SYT17: variants seen among roughly 807,000 people sequenced by gnomAD.
SYT17 encodes synaptotagmin 17.
SYT17 carries 22 observed loss-of-function variants against 46.7 expected under a neutral mutation model. The ratio of observed to expected loss-of-function variants is 0.47; its 90% confidence interval spans 0.34 to 0.67. The LOEUF (loss-of-function observed/expected upper bound fraction) is 0.67, where lower values mean the gene tolerates loss of function less well. Ranked by LOEUF, SYT17 falls within the 30% of genes least tolerant of loss-of-function variation. The pLI is 0.01. For synonymous variants in SYT17, 251 were observed against 248.4 expected (o/e 1.01, Z -0.10); for missense variants, 519 against 612.8 (o/e 0.85, Z 1.62).
intron 7 of SYT17, among the ~76,000 whole-genome samples, chr16:19,239,192 G>A (rs901958381): frequency 6.6e-6 from 1 of 152,096 alleles, no homozygotes; most frequent in Non-Finnish European, 1.5e-5. Context: ...GGCCAAAGTG[G>A]GAGGATCACA....
chr16:19,258,293 T>C, intron 7 of SYT17, among the ~76,000 whole-genome samples: 1 of 152,046 alleles, frequency 6.6e-6, no homozygotes, highest in Non-Finnish European at 1.5e-5. Flanking sequence ...GGGTGGCAAT[T>C]GTGTCCCCAG....
chr16:19,184,295 A>G, intron 5 of SYT17, 148 bp downstream of exon 5: 3 of 1,037,254 alleles, frequency 2.9e-6, no homozygotes. Context: ...TTGCAAAAAT[A>G]GCAGAGAGTT....
At chr16:19,180,313 G>T in intron 3 of SYT17, 78 bp from the exon 4 acceptor site, 1 of 1,545,250 alleles carries the variant, frequency 6.5e-7, no homozygotes, top group Non-Finnish European at 8.9e-7. Flanking sequence ...TTCATCGTGG[G>T]TCTTAACCCC....
chr16:19,243,907 C>G (rs1967334650), intron 7 of SYT17, among the ~76,000 whole-genome samples: 1 of 149,516 alleles, frequency 6.7e-6, no homozygotes, highest in Non-Finnish European at 1.5e-5. Flanking sequence ...AGAAGCACCT[C>G]TAAGACTCAA....
chr16:19,229,912 T>C (rs1220703034), intron 7 of SYT17, among the ~76,000 whole-genome samples: 1 of 152,102 alleles, frequency 6.6e-6, no homozygotes, highest in African/African-American at 2.4e-5. Context: ...TGCTACAACA[T>C]GGATGAAGCT....
Position 19,178,297 on chromosome 16 carries a change from G to A in SYT17, c.183-2094G>A, listed in dbSNP as rs137985938. Among the ~76,000 whole-genome samples the A allele has an allele frequency of 3.8e-3, 582 of 151,946 alleles. 5 individuals are homozygous for A. The highest frequency in any genetic ancestry group is 0.012 in the African/African-American group (491 of 41,432). ...AGATGGGGTTTCACCGTGTTAGCTA[G>A]GATGGTCTCGATGTCCTGACCTCGT... On this transcript the variant is annotated intron_variant, in intron 3 of 7. Transcript: ENST00000355377.
chr16:19,173,321 C>G (rs971148165), intron 2 of SYT17, 109 bp from the exon 3 acceptor site: 3 of 701,906 alleles, frequency 4.3e-6, no homozygotes, highest in Non-Finnish European at 6.9e-6. Context: ...ATTTCTCATC[C>G]GAGATCGGCT....
intron 3 of SYT17, among the ~76,000 whole-genome samples, chr16:19,174,612 G>A (rs1484129822): frequency 6.6e-6 from 1 of 152,148 alleles, no homozygotes; most frequent in Non-Finnish European, 1.5e-5. Context: ...TAGCAAAATG[G>A]TTCTGTATCC....
intron 7 of SYT17, among the ~76,000 whole-genome samples, chr16:19,225,903 T>C (rs965997351): frequency 6.6e-6 from 1 of 152,160 alleles, no homozygotes; most frequent in Non-Finnish European, 1.5e-5. Context: ...TTCTATTCAC[T>C]AGAAGCAATT....
intron 5 of SYT17, among the ~76,000 whole-genome samples, chr16:19,210,745 G>A (rs1965868143): frequency 6.6e-6 from 1 of 152,162 alleles, no homozygotes; most frequent in African/African-American, 2.4e-5. Flanking sequence ...CAGATTAAGA[G>A]ACAATAGACT....
At chr16:19,261,898 T>C (rs1969001092) in intron 7 of SYT17, among the ~76,000 whole-genome samples, 1 of 152,200 alleles carries the variant, frequency 6.6e-6, no homozygotes, top group African/African-American at 2.4e-5. Flanking sequence ...CCTCCAGTCT[T>C]ATTCTAGGTA....
chr16:19,255,659 C>T (rs1000306411), intron 7 of SYT17, among the ~76,000 whole-genome samples: 1 of 152,070 alleles, frequency 6.6e-6, no homozygotes, highest in Non-Finnish European at 1.5e-5. Context: ...GTGAGGTGCC[C>T]CTGTAGTCCC....
intron 7 of SYT17, chr16:19,249,918 A>G (rs1337869987): frequency 3.3e-6 from 5 of 1,534,428 alleles, no homozygotes; most frequent in Non-Finnish European, 4.4e-6. Flanking sequence ...CAGCAGATTC[A>G]CCAAGTCCTC....
At chr16:19,197,434 G>A (rs1323864555) in intron 5 of SYT17, among the ~76,000 whole-genome samples, 1 of 147,554 alleles carries the variant, frequency 6.8e-6, no homozygotes, top group Non-Finnish European at 1.5e-5. Flanking sequence ...TGTTTTGTTT[G>A]TTTGTTTGTT....
chr16:19,249,091 G>A (rs1214902177), intron 7 of SYT17, among the ~76,000 whole-genome samples: 1 of 151,908 alleles, frequency 6.6e-6, no homozygotes, highest in Non-Finnish European at 1.5e-5. Context: ...TGGCTAACAT[G>A]GTGAAACCCC....
intron 5 of SYT17, among the ~76,000 whole-genome samples, chr16:19,216,357 A>C (rs1388319381): frequency 6.6e-6 from 1 of 150,586 alleles, no homozygotes; most frequent in East Asian, 1.9e-4. Context: ...TTGCTGATTA[A>C]TACTTGAGCC....
At chr16:19,233,668 T>A (rs1966786222) in intron 7 of SYT17, among the ~76,000 whole-genome samples, 1 of 151,556 alleles carries the variant, frequency 6.6e-6, no homozygotes, top group African/African-American at 2.4e-5. Context: ...AAAATAAAAT[T>A]AAATTAAAAA....
At chr16:19,186,585 G>T (rs567267711) in intron 5 of SYT17, among the ~76,000 whole-genome samples, 1 of 152,214 alleles carries the variant, frequency 6.6e-6, no homozygotes, top group Admixed American at 6.5e-5. Context: ...CGTCACACTC[G>T]GGCTTCCAGC....
chr16:19,193,254 T>C (rs1965099649), intron 5 of SYT17, among the ~76,000 whole-genome samples: 1 of 152,144 alleles, frequency 6.6e-6, no homozygotes, highest in South Asian at 2.1e-4. Flanking sequence ...AAGGAGTAGA[T>C]TCAAGTTAAA....
Sources: gnomAD v4.1 joint callset for allele counts (sites outside exome capture counted in the v4.1 genomes callset) on GRCh38, gnomAD v4.1.1 for gene constraint, MANE v1.5 for transcripts, NCBI Gene and HGNC (gene_info 2026-07-23, HGNC 2026-07-21) for gene names.